Variants in ERC2 observed in about 807,000 individuals in gnomAD.
ERC2 encodes the protein ELKS/RAB6-interacting/CAST family member 2, also known as ERC protein 2.
Under a neutral mutation model 114.8 loss-of-function variants are expected in ERC2, and 42 were observed. The observed-to-expected ratio is 0.37, with a 90% CI of 0.29 to 0.47. The LOEUF (loss-of-function observed/expected upper bound fraction) is 0.47. ERC2 is among the 20% of genes least tolerant of loss of function. The pLI, the probability that ERC2 is intolerant of heterozygous loss-of-function variation, is 0.99. For synonymous variants in ERC2, 454 were observed against 425.5 expected (o/e 1.07, Z -0.82); for missense variants, 939 against 1,150.7 (o/e 0.82, Z 2.66).
At chr3:55,512,644 A>C (rs1457356281) in intron 17 of ERC2, among the ~76,000 whole-genome samples, 1 of 151,920 alleles carries the variant, frequency 6.6e-6, no homozygotes, top group African/African-American at 2.4e-5. Flanking sequence ...ATTACAGTGA[A>C]TGTCTGATGT....
chr3:56,382,297 C>G (rs994574173), intron 2 of ERC2, among the ~76,000 whole-genome samples: 3 of 152,120 alleles, frequency 2.0e-5, no homozygotes, highest in African/African-American at 7.2e-5. Context: ...CAGGTCAGAT[C>G]CTATCAGCAG....
At chr3:56,388,317 C>T (rs1038362520) in intron 2 of ERC2, among the ~76,000 whole-genome samples, 2 of 152,062 alleles carry the variant, frequency 1.3e-5, no homozygotes, top group African/African-American at 2.4e-5. Flanking sequence ...TGAGTTCGTG[C>T]TAGATCTGGT....
At chr3:55,911,424 A>G (rs990971930) in intron 13 of ERC2, among the ~76,000 whole-genome samples, 2 of 151,980 alleles carry the variant, frequency 1.3e-5, no homozygotes. Flanking sequence ...CATTGACTTC[A>G]TCGTAAGCGG....
At chr3:55,832,355 C>T (rs2060642015) in intron 14 of ERC2, among the ~76,000 whole-genome samples, 1 of 152,220 alleles carries the variant, frequency 6.6e-6, no homozygotes, top group South Asian at 2.1e-4. Flanking sequence ...GGAAGGCATC[C>T]CCCAGTAGGG....
intron 2 of ERC2, among the ~76,000 whole-genome samples, chr3:56,418,791 T>C (rs1316524116): frequency 6.6e-6 from 1 of 152,160 alleles, no homozygotes; most frequent in Non-Finnish European, 1.5e-5. Flanking sequence ...AGGCAGGGGC[T>C]CAGGCCTTCC....
chr3:56,227,536 C>T (rs370906031), intron 3 of ERC2, among the ~76,000 whole-genome samples: 4 of 151,976 alleles, frequency 2.6e-5, no homozygotes, highest in East Asian at 1.9e-4. Flanking sequence ...TGTGCCCTCC[C>T]GAACAGAAGC....
At chr3:56,357,166 T>C (rs2058775404) in intron 2 of ERC2, among the ~76,000 whole-genome samples, 1 of 152,214 alleles carries the variant, frequency 6.6e-6, no homozygotes, top group Non-Finnish European at 1.5e-5. Flanking sequence ...AACATCCTCC[T>C]GCATAGAGTC....
rs76689117 is a variant in ERC2 at position 55,829,324 on chromosome 3, T to C, written c.2564+59065A>G. Among the ~76,000 whole-genome samples, 239 of 152,266 alleles carry C rather than the reference T, an allele frequency of 1.6e-3. 4 individuals carry two copies. Among genetic ancestry groups the C allele is most frequent in the Admixed American group, 0.01 (155 of 15,286 alleles). ...CATTTCAAATAAATGGAAAGATCGA[T>C]CTCAGAAGAGAAATAAAAAGAAAAT... is the stretch of plus-strand genomic sequence containing the variant. On this transcript the variant is annotated intron_variant, in intron 14 of 17. Transcript: ENST00000288221.
chr3:55,849,181 T>C (rs373126876), intron 14 of ERC2, among the ~76,000 whole-genome samples: 83 of 152,240 alleles, frequency 5.5e-4, no homozygotes, highest in African/African-American at 1.8e-3. Context: ...CACACAGTAA[T>C]GGCAGATCTG....
At chr3:55,651,550 C>T (rs2060623836) in intron 17 of ERC2, among the ~76,000 whole-genome samples, 1 of 152,184 alleles carries the variant, frequency 6.6e-6, no homozygotes, top group Non-Finnish European at 1.5e-5. Context: ...GGGTCTTTCG[C>T]TTCTCTGAAC....
intron 17 of ERC2, among the ~76,000 whole-genome samples, chr3:55,620,586 C>A (rs2059286851): frequency 6.6e-6 from 1 of 152,166 alleles, no homozygotes; most frequent in Non-Finnish European, 1.5e-5. Flanking sequence ...TCTAAAACAT[C>A]TCTTCTTCGC....
rs114576693 is a variant in ERC2 at position 55,786,562 on chromosome 3, T to C, written c.2565-51644A>G. On this transcript the variant is annotated intron_variant, in intron 14 of 17. Coordinates refer to ENST00000288221, the MANE Select transcript of ERC2 (RefSeq NM_015576.3). ...CAAGCACTGTGCCAAGTACTTTACA[T>C]AAATGGTTCATTTCACCTTCCCAAT... Among the ~76,000 whole-genome samples, 919 of 152,344 alleles carry C rather than the reference T, an allele frequency of 6.0e-3. 9 individuals are homozygous for C. The highest frequency in any genetic ancestry group is 0.021 in the African/African-American group (890 of 41,578).
At chr3:55,788,935 T>G (rs1034302049) in intron 14 of ERC2, among the ~76,000 whole-genome samples, 7 of 152,186 alleles carry the variant, frequency 4.6e-5, no homozygotes, top group Admixed American at 4.6e-4. Flanking sequence ...AGCCTTCTTG[T>G]GTAGCTTCCC....
chr3:55,631,701 G>A (rs539296257), intron 17 of ERC2, among the ~76,000 whole-genome samples: 64 of 152,290 alleles, frequency 4.2e-4, no homozygotes, highest in African/African-American at 1.4e-3. Flanking sequence ...CAAATGGACA[G>A]CTTTTGGCCA....
intron 4 of ERC2, among the ~76,000 whole-genome samples, chr3:56,156,070 G>A (rs1205397707): frequency 6.6e-6 from 1 of 152,092 alleles, no homozygotes; most frequent in Non-Finnish European, 1.5e-5. Flanking sequence ...AAAACCAGAT[G>A]CCGAAATGAA....
rs530706532 is a variant in ERC2 at position 56,195,524 on chromosome 3, C to T, written c.1075-22004G>A. On this transcript the variant is annotated intron_variant, in intron 3 of 17. Transcript: ENST00000288221. ...GCGTGTGTGTGTGTGTGTGTGTTCT[C>T]TCCAATTAAAATAGGACAATACTGG... 5.1e-3 allele frequency among the ~76,000 whole-genome samples: 388 copies of T among 75,998 alleles called. 1 individual carries two copies. Among genetic ancestry groups the T allele is most frequent in the South Asian group, 0.046 (87 of 1,888 alleles). 49.9% of individuals were successfully genotyped at this position (75,998 alleles called of 152,430 possible).
At chr3:55,938,556 G>C (rs1482954611) in intron 13 of ERC2, among the ~76,000 whole-genome samples, 1 of 152,210 alleles carries the variant, frequency 6.6e-6, no homozygotes, top group African/African-American at 2.4e-5. Flanking sequence ...GAGAGGTGCA[G>C]TTCATTCAGA....
At chr3:56,222,418 C>T (rs994278421) in intron 3 of ERC2, among the ~76,000 whole-genome samples, 1 of 152,150 alleles carries the variant, frequency 6.6e-6, no homozygotes, top group Non-Finnish European at 1.5e-5. Flanking sequence ...CATGGACACA[C>T]CACCACCACC....
chr3:55,585,551 G>C (rs1470422063), intron 17 of ERC2, among the ~76,000 whole-genome samples: 2 of 152,146 alleles, frequency 1.3e-5, no homozygotes, highest in Non-Finnish European at 2.9e-5. Context: ...TAACTGTTGG[G>C]GTTCTAGATG....
Sources: gnomAD v4.1 joint callset for allele counts (sites outside exome capture counted in the v4.1 genomes callset) on GRCh38, gnomAD v4.1.1 for gene constraint, MANE v1.5 for transcripts, NCBI Gene and HGNC (gene_info 2026-07-23, HGNC 2026-07-21) for gene names.